Variants in SOX6 observed in about 807,000 individuals in gnomAD.
SOX6 encodes the protein transcription factor SOX-6.
Under a neutral mutation model 97.8 loss-of-function variants are expected in SOX6, and 11 were observed. The ratio of observed to expected loss-of-function variants is 0.11; its 90% CI spans 0.07 to 0.19. SOX6 has a LOEUF of 0.19. Ranked by LOEUF, SOX6 falls within the 10% of genes least tolerant of loss-of-function variation. The pLI is 1.00. For missense variants in SOX6, 810 were observed against 1,039.5 expected, an observed-to-expected ratio of 0.78 and a Z score of 3.04; for synonymous variants, 360 against 371.4, an observed-to-expected ratio of 0.97 and a Z score of 0.35.
rs749820009 is a variant in SOX6, at chr11:16,341,078, T to C, written c.171A>G (p.Pro57=). 2 of 1,613,488 alleles carry C rather than the reference T, an allele frequency of 1.2e-6. No homozygotes were observed. The highest frequency in any genetic ancestry group is 8.5e-7 in the Non-Finnish European group (1 of 1,179,574). Residue 57 remains proline (P), a synonymous_variant, in exon 2 of 16, where the codon CCA becomes CCG. Transcript: ENST00000683767. Reference sequence around the variant, plus strand: ...CTTGTTGAATGGTACTGACAAGTGTTGGTAGCTCCTCAGAGTGAGGTTTGT... The same window carrying C: ...CTTGTTGAATGGTACTGACAAGTGTCGGTAGCTCCTCAGAGTGAGGTTTGT... ...MHNKPHSEEL[P]TLVSTIQQDA...
intron 4 of SOX6, among the ~76,000 whole-genome samples, chr11:16,207,233 A>C (rs929531525): frequency 3.9e-5 from 6 of 152,216 alleles, no homozygotes; most frequent in African/African-American, 1.4e-4. Flanking sequence ...AATGCTTATC[A>C]ATAGAAGAAT....
At chr11:16,288,864 T>C (rs1447641758) in intron 3 of SOX6, among the ~76,000 whole-genome samples, 2 of 151,994 alleles carry the variant, frequency 1.3e-5, no homozygotes, top group Non-Finnish European at 2.9e-5. Flanking sequence ...TATTTCTTAG[T>C]CTCCATTAAA....
intron 4 of SOX6, among the ~76,000 whole-genome samples, chr11:16,483,242 A>T (rs989494867): frequency 2.6e-5 from 4 of 152,194 alleles, no homozygotes; most frequent in African/African-American, 9.7e-5. Context: ...TAATATAGTA[A>T]ATGCTGATTA....
chr11:16,323,643 C>A (rs1855988599), intron 2 of SOX6, among the ~76,000 whole-genome samples: 1 of 152,092 alleles, frequency 6.6e-6, no homozygotes, highest in Non-Finnish European at 1.5e-5. Context: ...TACTGGACCT[C>A]ACTATCATGC....
chr11:16,064,832 A>C (rs1848053716), intron 9 of SOX6, among the ~76,000 whole-genome samples: 1 of 151,708 alleles, frequency 6.6e-6, no homozygotes, highest in Admixed American at 6.6e-5. Flanking sequence ...TGATTTAAAA[A>C]CCCTAAAAAA....
intron 1 of SOX6, among the ~76,000 whole-genome samples, chr11:16,404,299 A>G (rs1160617609): frequency 4.6e-5 from 7 of 151,862 alleles, no homozygotes. Context: ...TTAATTAACA[A>G]TCTCACTGTT....
intron 1 of SOX6, among the ~76,000 whole-genome samples, chr11:16,349,215 T>C (rs187570199): frequency 6.6e-6 from 1 of 152,306 alleles, no homozygotes; most frequent in East Asian, 1.9e-4. Context: ...TTTAAGACAT[T>C]CAAATTTATA....
At chr11:15,974,922 C>T (rs1172598210) in intron 15 of SOX6, among the ~76,000 whole-genome samples, 1 of 152,148 alleles carries the variant, frequency 6.6e-6, no homozygotes, top group East Asian at 1.9e-4. Context: ...TCAGACCTTG[C>T]TTCAAGCCCT....
At chr11:16,308,382 T>C (rs1855499453) in intron 3 of SOX6, among the ~76,000 whole-genome samples, 1 of 152,210 alleles carries the variant, frequency 6.6e-6, no homozygotes, top group Non-Finnish European at 1.5e-5. Context: ...AATGCTTATC[T>C]AGACCAACAT....
chr11:16,655,858 A>G (rs147685574), intron 3 of SOX6, among the ~76,000 whole-genome samples: 1 of 152,044 alleles, frequency 6.6e-6, no homozygotes, highest in African/African-American at 2.4e-5. Flanking sequence ...GCATACACCT[A>G]CTTGAGAGAC....
intron 3 of SOX6, among the ~76,000 whole-genome samples, chr11:16,295,867 G>C (rs1161026961): frequency 6.6e-6 from 1 of 152,050 alleles, no homozygotes; most frequent in Non-Finnish European, 1.5e-5. Context: ...CAAAGGAATA[G>C]CTGAAATTCA....
At chr11:16,454,421 A>T (rs1427909442) in intron 1 of SOX6, among the ~76,000 whole-genome samples, 1 of 152,092 alleles carries the variant, frequency 6.6e-6, no homozygotes. Flanking sequence ...CAGGGTGCTC[A>T]GTCATTCATA....
intron 1 of SOX6, among the ~76,000 whole-genome samples, chr11:16,364,694 G>A (rs1857304439): frequency 6.6e-6 from 1 of 152,100 alleles, no homozygotes; most frequent in South Asian, 2.1e-4. Context: ...ACAAATGTAA[G>A]GTAGAGCAAT....
chr11:16,255,905 G>A (rs1420693622), intron 3 of SOX6, among the ~76,000 whole-genome samples: 1 of 150,492 alleles, frequency 6.6e-6, no homozygotes, highest in East Asian at 1.9e-4. Flanking sequence ...TATCATTACA[G>A]TTCCCATGGA....
intron 15 of SOX6, among the ~76,000 whole-genome samples, chr11:15,983,769 C>T (rs375096013): frequency 6.6e-6 from 1 of 152,146 alleles, no homozygotes. Context: ...GCCTGCACTT[C>T]AGTAGCCCTA....
chr11:16,302,258 C>G (rs768569977), intron 3 of SOX6, among the ~76,000 whole-genome samples: 2 of 152,194 alleles, frequency 1.3e-5, no homozygotes, highest in African/African-American at 2.4e-5. Flanking sequence ...CTTAAAAGTT[C>G]TCAACTGCTC....
At chr11:16,509,501 T>C (rs1257184677) in intron 4 of SOX6, among the ~76,000 whole-genome samples, 1 of 152,142 alleles carries the variant, frequency 6.6e-6, no homozygotes, top group South Asian at 2.1e-4. Flanking sequence ...TGGAAACACC[T>C]TTAATATAAC....
At chr11:16,540,918 T>C (rs1861396593) in intron 4 of SOX6, among the ~76,000 whole-genome samples, 2 of 152,300 alleles carry the variant, frequency 1.3e-5, no homozygotes, top group Middle Eastern at 6.8e-3. Context: ...ATAGATTCAA[T>C]GCCATCCCCA....
upstream of SOX6, among the ~76,000 whole-genome samples, chr11:16,357,100 G>A (rs1857095687): frequency 6.6e-6 from 1 of 152,088 alleles, no homozygotes; most frequent in African/African-American, 2.4e-5. Flanking sequence ...ATCATTGTTG[G>A]AGAACTATGT....
Sources: gnomAD v4.1 joint callset for allele counts (sites outside exome capture counted in the v4.1 genomes callset) on GRCh38, gnomAD v4.1.1 for gene constraint, MANE v1.5 for transcripts, NCBI Gene and HGNC (gene_info 2026-07-23, HGNC 2026-07-21) for gene names.